CCDC91: variants seen among roughly 807,000 people sequenced by gnomAD.
CCDC91 encodes the protein coiled-coil domain-containing protein 91.
CCDC91 carries 48 observed loss-of-function variants against 63.2 expected under a neutral mutation model. The observed-to-expected ratio is 0.76, with a 90% CI of 0.60 to 0.97. CCDC91 has a LOEUF of 0.97. CCDC91 is among the 50% of genes least tolerant of loss of function. CCDC91 has a pLI of 0.00. For synonymous variants in CCDC91, 167 were observed against 165.8 expected (o/e 1.01, Z -0.06); for missense variants, 500 against 494.6 (o/e 1.01, Z -0.10).
intron 12 of CCDC91, among the ~76,000 whole-genome samples, chr12:28,492,444 A>G (rs1952063468): frequency 6.6e-6 from 1 of 151,762 alleles, no homozygotes; most frequent in Non-Finnish European, 1.5e-5. Context: ...TGTAAACCAG[A>G]AAATCAGATG....
chr12:28,356,079 G>A (rs1383898077), intron 6 of CCDC91, among the ~76,000 whole-genome samples: 1 of 151,976 alleles, frequency 6.6e-6, no homozygotes, highest in Non-Finnish European at 1.5e-5. Flanking sequence ...TGTGAGACTG[G>A]GGATGATTTT....
At chr12:28,466,114 G>A (rs1388323288) in intron 11 of CCDC91, among the ~76,000 whole-genome samples, 1 of 152,144 alleles carries the variant, frequency 6.6e-6, no homozygotes, top group African/African-American at 2.4e-5. Context: ...TTTAATAGCA[G>A]AATTGATCAA....
At chr12:28,537,361 C>G (rs1352233724) in intron 12 of CCDC91, among the ~76,000 whole-genome samples, 1 of 151,614 alleles carries the variant, frequency 6.6e-6, no homozygotes, top group African/African-American at 2.4e-5. Context: ...ATAGGAAATT[C>G]TATTCCATTG....
At chr12:28,209,989 A>T (rs1418245786) in intron 1 of CCDC91, among the ~76,000 whole-genome samples, 1 of 152,122 alleles carries the variant, frequency 6.6e-6, no homozygotes, top group Non-Finnish European at 1.5e-5. Flanking sequence ...TCCTTTCATA[A>T]CTTCCGTAGA....
intron 8 of CCDC91, among the ~76,000 whole-genome samples, chr12:28,430,671 C>T (rs779021797): frequency 2.6e-5 from 4 of 152,022 alleles, no homozygotes; most frequent in African/African-American, 7.2e-5. Context: ...ATGTATTAGC[C>T]TAAAAATTAT....
At chr12:28,297,804 A>G (rs1310994820) in intron 3 of CCDC91, among the ~76,000 whole-genome samples, 1 of 151,850 alleles carries the variant, frequency 6.6e-6, no homozygotes, top group African/African-American at 2.4e-5. Context: ...ACCTTGACTA[A>G]GTGAGAAGAT....
intron 12 of CCDC91, among the ~76,000 whole-genome samples, chr12:28,541,787 T>C (rs1425636413): frequency 6.6e-6 from 1 of 152,010 alleles, no homozygotes; most frequent in African/African-American, 2.4e-5. Flanking sequence ...TGGCCTGTTA[T>C]ATTAAGATAA....
intron 6 of CCDC91, among the ~76,000 whole-genome samples, chr12:28,353,364 T>G (rs1267760989): frequency 1.3e-5 from 2 of 152,198 alleles, no homozygotes; most frequent in African/African-American, 4.8e-5. Context: ...GGAGTAGCAC[T>G]TTTAATTTCC....
chr12:28,440,389 A>G (rs1949123880), intron 8 of CCDC91, among the ~76,000 whole-genome samples: 1 of 152,194 alleles, frequency 6.6e-6, no homozygotes, highest in African/African-American at 2.4e-5. Flanking sequence ...TTCGTATACA[A>G]ACCAATTAGT....
At chr12:28,231,222 G>C (rs1482242018) in intron 1 of CCDC91, among the ~76,000 whole-genome samples, 5 of 152,188 alleles carry the variant, frequency 3.3e-5, no homozygotes, top group African/African-American at 1.2e-4. Flanking sequence ...GGAATCTGGT[G>C]TGGCTTCAAA....
chr12:28,501,199 T>A (rs1413569383), intron 12 of CCDC91, among the ~76,000 whole-genome samples: 1 of 151,948 alleles, frequency 6.6e-6, no homozygotes, highest in Admixed American at 6.6e-5. Flanking sequence ...ACCCTTTATT[T>A]CCTTCTCCTG....
At chr12:28,441,057 C>CAAAAAAAAAAAAAGAAAAAAAAA (rs1949164902) in intron 8 of CCDC91, among the ~76,000 whole-genome samples, 1 of 52,698 alleles carries the variant, frequency 1.9e-5, no homozygotes, top group Non-Finnish European at 3.1e-5. Context: ...GACTCCATCT[C>CAAAAAAAAAAAAAGAAAAAAAAA]AAAAAAAAAA....
intron 7 of CCDC91, among the ~76,000 whole-genome samples, chr12:28,377,737 G>A (rs577490421): frequency 6.6e-6 from 1 of 151,808 alleles, no homozygotes; most frequent in Non-Finnish European, 1.5e-5. Context: ...ATCATTATAA[G>A]TACCTATACA....
At chr12:28,267,707 T>C in intron 3 of CCDC91, among the ~76,000 whole-genome samples, 1 of 112,110 alleles carries the variant, frequency 8.9e-6, no homozygotes, top group South Asian at 2.4e-4. Context: ...TTATATATAA[T>C]TATATAATTA....
At position 28,468,713 on chromosome 12, in the gene CCDC91, C is replaced by T. The variant is rs556873222; in HGVS notation, c.1102-15339C>T. Among the ~76,000 whole-genome samples, 3 of 152,062 alleles carry T rather than the reference C, an allele frequency of 2.0e-5. No individual in the cohort carries two copies. In the East Asian group the frequency reaches 5.8e-4, roughly 29 times the overall value. ...AAACAAAATATTAGCAAACCAAATT[C>T]AGCAGTATATTAAATGATTATTCAT... On this transcript the variant is annotated intron_variant, in intron 11 of 12. Transcript: ENST00000536442.
intron 12 of CCDC91, among the ~76,000 whole-genome samples, chr12:28,518,136 C>T (rs1039914437): frequency 6.6e-6 from 1 of 151,858 alleles, no homozygotes; most frequent in Non-Finnish European, 1.5e-5. Flanking sequence ...TTATTTTTCT[C>T]TGGGTAGATA....
intron 3 of CCDC91, among the ~76,000 whole-genome samples, chr12:28,282,558 CT>C (rs1948674714): frequency 6.6e-6 from 1 of 152,060 alleles, no homozygotes; most frequent in South Asian, 2.1e-4. Flanking sequence ...GTGAATTGTG[CT>C]GTGATAAACA....
chr12:28,519,653 T>C (rs1424112599), intron 12 of CCDC91, among the ~76,000 whole-genome samples: 2 of 151,876 alleles, frequency 1.3e-5, no homozygotes, highest in East Asian at 3.9e-4. Flanking sequence ...ATGTGCCATG[T>C]TGGTGTGCTG....
intron 11 of CCDC91, among the ~76,000 whole-genome samples, 156 bp from the exon 12 acceptor site, chr12:28,483,896 C>T (rs1432270069): frequency 6.6e-6 from 1 of 152,060 alleles, no homozygotes; most frequent in African/African-American, 2.4e-5. Flanking sequence ...TCTAACAGAT[C>T]GCAAAAGATT....
Sources: allele counts gnomAD v4.1 joint callset (sites outside exome capture counted in the v4.1 genomes callset), GRCh38; gene constraint gnomAD v4.1.1; transcripts MANE v1.5; gene names NCBI Gene and HGNC (gene_info 2026-07-23, HGNC 2026-07-21).